AGBL1: variants seen among roughly 807,000 people sequenced by gnomAD.
The protein encoded by AGBL1 is AGBL carboxypeptidase 1, also known as cytosolic carboxypeptidase 4.
A neutral mutation model predicts 118.9 loss-of-function variants in AGBL1; 130 were observed. The observed-to-expected ratio is 1.09, with a 90% CI of 0.95 to 1.26. The LOEUF is 1.26. Ranked by LOEUF, AGBL1 falls within the 50% of genes most tolerant of loss-of-function variation. The pLI is 0.00. For synonymous variants in AGBL1, 555 were observed against 478.9 expected, an observed-to-expected ratio of 1.16 and a Z score of -2.08; for missense variants, 1,584 against 1,298.1, an observed-to-expected ratio of 1.22 and a Z score of -3.38.
intron 21 of AGBL1, among the ~76,000 whole-genome samples, chr15:86,672,351 T>C (rs1314570525): frequency 6.6e-6 from 1 of 152,222 alleles, no homozygotes; most frequent in African/African-American, 2.4e-5. Context: ...TGTTATTGTA[T>C]AGAAGTTGAC....
At chr15:86,151,788 G>A (rs181542507) in intron 3 of AGBL1, among the ~76,000 whole-genome samples, 15 of 152,300 alleles carry the variant, frequency 9.8e-5, no homozygotes, top group Admixed American at 9.2e-4. Flanking sequence ...TATCATCTCA[G>A]CCCAAAATCT....
intron 21 of AGBL1, among the ~76,000 whole-genome samples, chr15:86,620,109 T>G (rs2084783268): frequency 6.6e-6 from 1 of 152,166 alleles, no homozygotes; most frequent in Non-Finnish European, 1.5e-5. Context: ...ATTTGTGAGT[T>G]TCCCCAGGTG....
chr15:86,289,541 G>A (rs1166068551), intron 16 of AGBL1, among the ~76,000 whole-genome samples: 1 of 152,140 alleles, frequency 6.6e-6, no homozygotes, highest in African/African-American at 2.4e-5. Flanking sequence ...TTTTAAAGAT[G>A]AGAAAACTGA....
chr15:86,179,323 C>A (rs1415573352), intron 5 of AGBL1, among the ~76,000 whole-genome samples: 1 of 152,096 alleles, frequency 6.6e-6, no homozygotes, highest in Non-Finnish European at 1.5e-5. Context: ...ATTCTTAACC[C>A]AATTTTAGTA....
At chr15:86,596,271 C>A (rs1318816187) in intron 21 of AGBL1, among the ~76,000 whole-genome samples, 4 of 152,090 alleles carry the variant, frequency 2.6e-5, no homozygotes, top group African/African-American at 9.7e-5. Flanking sequence ...CAAAAGTCCT[C>A]TTCGCCACCC....
chr15:86,591,839 T>G (rs770114107), intron 21 of AGBL1, among the ~76,000 whole-genome samples: 1 of 152,108 alleles, frequency 6.6e-6, no homozygotes, highest in Non-Finnish European at 1.5e-5. Flanking sequence ...GAGTTGAAGA[T>G]CCCAACCCCC....
chr15:86,435,621 T>A (rs1045171534), intron 18 of AGBL1, among the ~76,000 whole-genome samples: 2 of 152,220 alleles, frequency 1.3e-5, no homozygotes, highest in Admixed American at 1.3e-4. Context: ...TTGGAGCATC[T>A]GAAGTTAATT....
At chr15:86,223,203 G>A (rs926189412) in intron 5 of AGBL1, among the ~76,000 whole-genome samples, 18 of 152,044 alleles carry the variant, frequency 1.2e-4, no homozygotes, top group African/African-American at 4.3e-4. Context: ...ATTATCTAAT[G>A]GATCATTACT....
intron 23 of AGBL1, among the ~76,000 whole-genome samples, chr15:86,972,303 C>T (rs891555003): frequency 6.6e-6 from 1 of 151,910 alleles, no homozygotes; most frequent in African/African-American, 2.4e-5. Context: ...ATTTGGCATT[C>T]CTGAAATAGG....
At chr15:86,539,440 T>C (rs2142237382) in intron 19 of AGBL1, among the ~76,000 whole-genome samples, 1 of 152,304 alleles carries the variant, frequency 6.6e-6, no homozygotes, top group East Asian at 1.9e-4. Flanking sequence ...TTGCCTAGTC[T>C]CAGTCCCTCC....
At chr15:86,966,659 CT>C (rs1567263715) in intron 23 of AGBL1, among the ~76,000 whole-genome samples, 3 of 152,032 alleles carry the variant, frequency 2.0e-5, no homozygotes, top group East Asian at 1.9e-4. Flanking sequence ...ATGAACTCAT[CT>C]TTTTTTATGG....
intron 17 of AGBL1, 30 bp downstream of exon 17, chr15:86,295,438 G>C (rs1358630347): frequency 6.5e-7 from 1 of 1,530,798 alleles, no homozygotes; most frequent in South Asian, 1.3e-5. Flanking sequence ...CTTCGTAGAA[G>C]ATTTGACTAA....
intron 18 of AGBL1, among the ~76,000 whole-genome samples, chr15:86,513,127 A>C (rs899921045): frequency 6.6e-6 from 1 of 152,018 alleles, no homozygotes; most frequent in Non-Finnish European, 1.5e-5. Context: ...AGTATTAATT[A>C]CATACATTAT....
At chr15:86,476,829 A>T (rs2082565929) in intron 18 of AGBL1, among the ~76,000 whole-genome samples, 1 of 152,238 alleles carries the variant, frequency 6.6e-6, no homozygotes, top group African/African-American at 2.4e-5. Context: ...ACATAGTTGG[A>T]AGTAAAGCAC....
At chr15:86,322,823 T>A (rs2080123956) in intron 17 of AGBL1, among the ~76,000 whole-genome samples, 1 of 152,218 alleles carries the variant, frequency 6.6e-6, no homozygotes, top group African/African-American at 2.4e-5. Flanking sequence ...ACATGGATAC[T>A]TTCCCAGAGT....
chr15:86,919,164 T>C (rs1404977533), downstream of AGBL1, among the ~76,000 whole-genome samples: 1 of 152,232 alleles, frequency 6.6e-6, no homozygotes, highest in Admixed American at 6.5e-5. Context: ...AATCCTAAAC[T>C]GTTACTGTTC....
At chr15:86,632,627 C>T (rs2084992695) in intron 21 of AGBL1, among the ~76,000 whole-genome samples, 1 of 131,586 alleles carries the variant, frequency 7.6e-6, no homozygotes, top group Admixed American at 7.6e-5. Flanking sequence ...TAAATCTCAT[C>T]ATGTTTTTTT....
chr15:86,080,341 G>T, intron 1 of AGBL1: 1 of 221,494 alleles, frequency 4.5e-6, no homozygotes, highest in African/African-American at 2.3e-5. Flanking sequence ...AAGGGGACCT[G>T]TTGAGGCTCC....
chr15:86,298,867 C>G (rs932940596), intron 17 of AGBL1, among the ~76,000 whole-genome samples: 2 of 152,150 alleles, frequency 1.3e-5, no homozygotes, highest in Non-Finnish European at 2.9e-5. Flanking sequence ...AGGCTGGTTC[C>G]CCTGATGATC....
Sources: gnomAD v4.1 joint callset for allele counts (sites outside exome capture counted in the v4.1 genomes callset) on GRCh38, gnomAD v4.1.1 for gene constraint, MANE v1.5 for transcripts, NCBI Gene and HGNC (gene_info 2026-07-23, HGNC 2026-07-21) for gene names.